Variants in ABLIM2 observed in about 807,000 individuals in gnomAD.
ABLIM2 encodes the protein actin binding LIM protein family member 2, also known as actin-binding LIM protein 2.
A neutral mutation model predicts 97.7 loss-of-function variants in ABLIM2; 53 were observed. The observed-to-expected ratio is 0.54, with a 90% CI of 0.44 to 0.68. The LOEUF (loss-of-function observed/expected upper bound fraction) is 0.68, where lower values mean the gene tolerates loss of function less well. ABLIM2 is among the 30% of genes least tolerant of loss of function. The pLI is 0.00. For synonymous variants in ABLIM2, 361 were observed against 345.8 expected, an observed-to-expected ratio of 1.04 and a Z score of -0.49; for missense variants, 835 against 867.2, an observed-to-expected ratio of 0.96 and a Z score of 0.47.
chr4:8,018,265 C>T (rs1770962976), intron 14 of ABLIM2, among the ~76,000 whole-genome samples: 1 of 152,232 alleles, frequency 6.6e-6, no homozygotes, highest in African/African-American at 2.4e-5. Flanking sequence ...CAATCCCAAT[C>T]TTGTAGCCCC....
Position 8,091,797 on chromosome 4 carries a change from T to A in ABLIM2, c.339-3513A>T, listed in dbSNP as rs1343498434. ...CATTTATATATTAATAATTATAGAA[T>A]TAATATATTATATATTATATAATAT... On this transcript the variant is annotated intron_variant, in intron 3 of 20. Transcript: ENST00000447017. 2.8e-4 allele frequency among the ~76,000 whole-genome samples: 19 copies of A among 67,112 alleles called. No individual in the cohort carries two copies. In the East Asian group the frequency reaches 7.0e-3, roughly 25 times the overall value. 44.0% of individuals were successfully genotyped at this position (67,112 alleles called of 152,430 possible).
intron 10 of ABLIM2, among the ~76,000 whole-genome samples, 182 bp from the exon 11 acceptor site, chr4:8,029,958 G>A (rs1779829081): frequency 1.3e-5 from 2 of 152,332 alleles, no homozygotes; most frequent in Non-Finnish European, 2.9e-5. Context: ...TGGGGCTGGT[G>A]TGGTGCAGAC....
intron 9 of ABLIM2, among the ~76,000 whole-genome samples, chr4:8,042,641 A>G (rs1789467268): frequency 6.6e-6 from 1 of 152,146 alleles, no homozygotes; most frequent in South Asian, 2.1e-4. Flanking sequence ...GGAGTTTGAG[A>G]CCAGCCTGAC....
chr4:8,142,630 G>A (rs1851162301), intron 1 of ABLIM2, among the ~76,000 whole-genome samples: 1 of 152,228 alleles, frequency 6.6e-6, no homozygotes, highest in Non-Finnish European at 1.5e-5. Flanking sequence ...AATGGTGCAT[G>A]GTGGGCGCTG....
chr4:7,983,445 A>G, intron 19 of ABLIM2, 101 bp from the exon 20 acceptor site: 5 of 1,581,596 alleles, frequency 3.2e-6, no homozygotes, highest in Non-Finnish European at 4.3e-6. Flanking sequence ...TTGCGTCTGC[A>G]CCTGACACAC....
At chr4:8,106,732 C>T (rs950140603) in intron 1 of ABLIM2, 95 bp from the exon 2 acceptor site, 3 of 1,440,492 alleles carry the variant, frequency 2.1e-6, no homozygotes, top group Non-Finnish European at 2.8e-6. Flanking sequence ...GCTGACCCTG[C>T]CAGCGGGCCC....
At position 8,125,131 on chromosome 4, in the gene ABLIM2, T is replaced by A. The variant is rs1847280274; in HGVS notation, c.11-18494A>T. On this transcript the variant is annotated intron_variant, in intron 1 of 20. Coordinates refer to ENST00000447017, the MANE Select transcript of ABLIM2 (RefSeq NM_001130083.2). The surrounding 1 kb of genome is among the most constrained non-coding windows in gnomAD (Gnocchi z 6.2). The stretch of plus-strand genomic sequence containing the variant: ...TTCGAGATACAAGTCCCGTGTCAGC[T>A]TGCTAATTTGCAAATATTTTCTCCT... 1.3e-5 allele frequency among the ~76,000 whole-genome samples: 2 copies of A among 152,244 alleles called. No individual in the cohort carries two copies. The highest frequency in any genetic ancestry group is 4.8e-5 in the African/African-American group (2 of 41,466).
chr4:8,123,136 C>T lies in ABLIM2; in HGVS notation c.11-16499G>A, dbSNP rs765049279. The stretch of plus-strand genomic sequence containing the variant: ...ACTGCTGGAGGAAGACCTCTTTGCC[C>T]GGGTCTGGACTCCTTAATCCTAATT... On this transcript the variant is annotated intron_variant, in intron 1 of 20. Coordinates refer to ENST00000447017, the MANE Select transcript of ABLIM2 (RefSeq NM_001130083.2). The surrounding 1 kb of genome is among the most constrained non-coding windows in gnomAD (Gnocchi z 6.2). Among the ~76,000 whole-genome samples the T allele has an allele frequency of 4.6e-5, 7 of 152,212 alleles. No homozygotes were observed. The highest frequency in any genetic ancestry group is 1.2e-4 in the African/African-American group (5 of 41,450).
intron 1 of ABLIM2, among the ~76,000 whole-genome samples, chr4:8,115,101 G>A (rs1475584283): frequency 2.6e-5 from 4 of 152,196 alleles, no homozygotes; most frequent in African/African-American, 9.6e-5. Flanking sequence ...TTGGGGTCCT[G>A]AGGATGGACG....
chr4:8,018,534 C>G (rs772838095), intron 14 of ABLIM2, among the ~76,000 whole-genome samples: 1 of 152,204 alleles, frequency 6.6e-6, no homozygotes. Context: ...TCTGGAAACT[C>G]AAGACATTTC....
intron 18 of ABLIM2, among the ~76,000 whole-genome samples, chr4:7,984,482 A>T (rs1244588900): frequency 6.6e-6 from 1 of 152,218 alleles, no homozygotes; most frequent in Admixed American, 6.5e-5. Flanking sequence ...CGGCAGCCAC[A>T]CGGGGAGCAA....
chr4:8,098,933 C>T (rs913168267), intron 2 of ABLIM2, among the ~76,000 whole-genome samples: 2 of 152,190 alleles, frequency 1.3e-5, no homozygotes, highest in African/African-American at 4.8e-5. Context: ...AAACTCAGAA[C>T]GAAATCCCAT....
At chr4:8,144,401 G>A (rs551549911) in intron 1 of ABLIM2, among the ~76,000 whole-genome samples, 8 of 152,244 alleles carry the variant, frequency 5.3e-5, no homozygotes, top group Middle Eastern at 3.2e-3. Flanking sequence ...CAGGGCCGCC[G>A]CTGGGGGACT....
chr4:8,090,122 CT>C (rs1027788683), intron 3 of ABLIM2, among the ~76,000 whole-genome samples: 2 of 152,180 alleles, frequency 1.3e-5, no homozygotes, highest in East Asian at 1.9e-4. Context: ...GGGCCCTCCC[CT>C]CCCATCCACT....
rs1295645426 is a variant in ABLIM2 at position 7,987,802 on chromosome 4, G to C, written c.1681-2909C>G. Among the ~76,000 whole-genome samples, 3 of 152,172 alleles carry C rather than the reference G, an allele frequency of 2.0e-5. No individual in the cohort carries two copies. The South Asian group carries it at 6.2e-4, about 32-fold the overall frequency. On this transcript the variant is annotated intron_variant, in intron 17 of 20. Transcript: ENST00000447017. ...GAAAGTGGGGTCTACTTCCGGTCTTGTAAGTGCGAAGTGGGGATGGGGTGT... is the reference window on the plus strand; with the variant it reads ...GAAAGTGGGGTCTACTTCCGGTCTTCTAAGTGCGAAGTGGGGATGGGGTGT...
chr4:8,120,993 C>G lies in ABLIM2; in HGVS notation c.11-14356G>C, dbSNP rs2152867958. 6.6e-6 allele frequency among the ~76,000 whole-genome samples: 1 copy of G among 152,268 alleles called. No individual in the cohort carries two copies. The highest frequency in any genetic ancestry group is 1.5e-5 in the Non-Finnish European group (1 of 68,010). ...TTCTACTGAATGCATATTGTTTTTG[C>G]AACATTATAAAATCAAAAAACGATA... On this transcript the variant is annotated intron_variant, in intron 1 of 20. Transcript: ENST00000447017. This position sits in a 1 kb window ranked among gnomAD's most constrained non-coding sequence, Gnocchi z 5.6.
In ABLIM2 at chr4:8,027,868, A is replaced by G. The variant is rs772070865; in HGVS notation, c.1169-11T>C. Reference sequence around the variant, plus strand: ...CACTCACAGTACCAGCTACGGGGTAACAGAGAGCAAGTCAGAGTCAACCTG... The same window carrying G: ...CACTCACAGTACCAGCTACGGGGTAGCAGAGAGCAAGTCAGAGTCAACCTG... On this transcript the variant is annotated splice_polypyrimidine_tract_variant and intron_variant, in intron 11 of 20. Coordinates refer to ENST00000447017, the MANE Select transcript of ABLIM2 (RefSeq NM_001130083.2). 1.9e-6 allele frequency: 3 copies of G among 1,568,282 alleles called. No homozygotes were observed. In the African/African-American group the frequency reaches 4.1e-5, roughly 22 times the overall value.
rs1712410684 is a variant in ABLIM2 at position 8,150,798 on chromosome 4, T to G, written c.10+7882A>C. Among the ~76,000 whole-genome samples the G allele has an allele frequency of 6.6e-6, 1 of 152,110 alleles. No homozygotes were observed. The highest frequency in any genetic ancestry group is 1.5e-5 in the Non-Finnish European group (1 of 68,020). ...CTCCTGGCACTGGGCTGCAGCCTTG[T>G]AACCAGGACTGAGATGGGGCTGGCA... On this transcript the variant is annotated intron_variant, in intron 1 of 20. Transcript: ENST00000447017. This position sits in a 1 kb window ranked among gnomAD's most constrained non-coding sequence, Gnocchi z 6.3.
In ABLIM2 at chr4:8,132,630, C is replaced by T. The variant is rs900637247; in HGVS notation, c.11-25993G>A. 6.6e-6 allele frequency among the ~76,000 whole-genome samples: 1 copy of T among 152,192 alleles called. No homozygotes were observed. The highest frequency in any genetic ancestry group is 6.5e-5 in the Admixed American group (1 of 15,288). ...CTCCCTCACCGCCACTCCTGCTCCCCAGCAATGCTGCACATCATGAAGCAC... is the reference window on the plus strand; with the variant it reads ...CTCCCTCACCGCCACTCCTGCTCCCTAGCAATGCTGCACATCATGAAGCAC... On this transcript the variant is annotated intron_variant, in intron 1 of 20. Coordinates refer to ENST00000447017, the MANE Select transcript of ABLIM2 (RefSeq NM_001130083.2). The surrounding 1 kb of genome is among the most constrained non-coding windows in gnomAD (Gnocchi z 8.0).
Sources: allele counts gnomAD v4.1 joint callset (sites outside exome capture counted in the v4.1 genomes callset), GRCh38; gene constraint gnomAD v4.1.1; non-coding constraint Gnocchi (gnomAD v3.1); transcripts MANE v1.5; gene names NCBI Gene and HGNC (gene_info 2026-07-23, HGNC 2026-07-21).